Variants in MTUS2 observed in about 807,000 individuals in gnomAD.
MTUS2 encodes the protein microtubule associated scaffold protein 2.
Under a neutral mutation model 114.1 loss-of-function variants are expected in MTUS2, and 40 were observed. That is an observed-to-expected ratio of 0.35 (90% CI 0.27 to 0.46). The LOEUF (loss-of-function observed/expected upper bound fraction) is 0.46, where lower values mean the gene tolerates loss of function less well. Ranked by LOEUF, MTUS2 falls within the 20% of genes least tolerant of loss-of-function variation. MTUS2 has a pLI of 1.00. For missense variants in MTUS2, 1,679 were observed against 1,705.4 expected (o/e 0.98, Z 0.27); for synonymous variants, 688 against 672.0 (o/e 1.02, Z -0.37).
At chr13:28,927,899 T>C (rs183659100) in intron 2 of MTUS2, among the ~76,000 whole-genome samples, 84 of 152,278 alleles carry the variant, frequency 5.5e-4, no homozygotes, top group Non-Finnish European at 8.8e-4. Flanking sequence ...ATCAGCATGG[T>C]ACTGGCATAA....
chr13:29,073,824 C>T (rs1889056940), intron 4 of MTUS2, among the ~76,000 whole-genome samples: 1 of 152,028 alleles, frequency 6.6e-6, no homozygotes, highest in African/African-American at 2.4e-5. Flanking sequence ...GGTGTGCATG[C>T]TCTCAGTGGG....
At chr13:28,912,633 TC>T (rs1261019896) in intron 2 of MTUS2, among the ~76,000 whole-genome samples, 3 of 152,222 alleles carry the variant, frequency 2.0e-5, no homozygotes, top group Non-Finnish European at 4.4e-5. Context: ...TGTTGATTCT[TC>T]CTATCCATGA....
intron 5 of MTUS2, among the ~76,000 whole-genome samples, chr13:29,150,626 A>C (rs1892626376): frequency 6.6e-6 from 1 of 152,158 alleles, no homozygotes; most frequent in Non-Finnish European, 1.5e-5. Flanking sequence ...GCTGGTGTCC[A>C]GAAGGGTATT....
At chr13:29,122,868 C>G in intron 5 of MTUS2, among the ~76,000 whole-genome samples, 1 of 152,192 alleles carries the variant, frequency 6.6e-6, no homozygotes, top group East Asian at 1.9e-4. Flanking sequence ...TAAACTCTGT[C>G]AGAAAAATAG....
intron 7 of MTUS2, among the ~76,000 whole-genome samples, chr13:29,337,109 C>G (rs756742721): frequency 5.3e-5 from 8 of 152,110 alleles, no homozygotes; most frequent in Non-Finnish European, 1.2e-4. Flanking sequence ...TGAGCTAGAC[C>G]ACTTGGCTCC....
At chr13:29,240,314 G>C (rs1394136447) in intron 5 of MTUS2, among the ~76,000 whole-genome samples, 3 of 152,092 alleles carry the variant, frequency 2.0e-5, no homozygotes, top group Admixed American at 2.0e-4. Context: ...GTCCCCATAC[G>C]GGTAGAGTAT....
upstream of MTUS2, chr13:28,820,254 G>T (rs996980166): frequency 6.8e-6 from 1 of 147,314 alleles, no homozygotes; most frequent in Non-Finnish European, 1.5e-5. Context: ...CCCTCGAGCG[G>T]GGGCGGCGGC....
rs117888216 is a variant in MTUS2, at chr13:28,881,533, G to A, written c.-243+41683G>A. Among the ~76,000 whole-genome samples the A allele has an allele frequency of 7.2e-3, 1,093 of 152,212 alleles. 14 individuals carry two copies. Among genetic ancestry groups the A allele is most frequent in the East Asian group, 0.034 (178 of 5,172 alleles). ...GGATCATATGGCAGTTCTATTTTTAGCTCTTTGAGAAATTTCTATACTGTT... is the reference window on the plus strand; with the variant it reads ...GGATCATATGGCAGTTCTATTTTTAACTCTTTGAGAAATTTCTATACTGTT... On this transcript the variant is annotated intron_variant, in intron 2 of 15. Coordinates refer to ENST00000612955, the MANE Select transcript of MTUS2 (RefSeq NM_001033602.4).
At chr13:28,943,896 C>G (rs1347618889) in intron 2 of MTUS2, among the ~76,000 whole-genome samples, 1 of 152,020 alleles carries the variant, frequency 6.6e-6, no homozygotes, top group Non-Finnish European at 1.5e-5. Context: ...TTGCTTACCT[C>G]TTAAGACTTA....
At chr13:29,350,734 C>G (rs1467031941) in intron 7 of MTUS2, among the ~76,000 whole-genome samples, 1 of 151,776 alleles carries the variant, frequency 6.6e-6, no homozygotes, top group Non-Finnish European at 1.5e-5. Context: ...AATCCAAGAT[C>G]AAGGTGCTGG....
chr13:28,951,881 A>G (rs916083318), intron 2 of MTUS2, among the ~76,000 whole-genome samples: 2 of 152,162 alleles, frequency 1.3e-5, no homozygotes, highest in African/African-American at 4.8e-5. Context: ...CTGACTTGGT[A>G]TGATATCTGT....
intron 13 of MTUS2, 81 bp downstream of exon 13, chr13:29,497,417 C>A: frequency 1.6e-6 from 2 of 1,229,960 alleles, no homozygotes; most frequent in Non-Finnish European, 2.3e-6. Context: ...CAGTCTCGTC[C>A]CAAGACAAGG....
chr13:29,360,696 C>CG (rs1041912820), intron 8 of MTUS2, among the ~76,000 whole-genome samples: 23 of 136,256 alleles, frequency 1.7e-4, no homozygotes, highest in Admixed American at 3.6e-4. Flanking sequence ...ACACCCCCCC[C>CG]CCCCCGTAAG....
At chr13:29,247,229 G>A (rs1036830423) in intron 5 of MTUS2, among the ~76,000 whole-genome samples, 15 of 152,190 alleles carry the variant, frequency 9.9e-5, no homozygotes, top group Admixed American at 7.2e-4. Flanking sequence ...AGAATGAAAC[G>A]GGATTCTCAT....
At chr13:28,954,765 T>C in intron 2 of MTUS2, among the ~76,000 whole-genome samples, 1 of 152,044 alleles carries the variant, frequency 6.6e-6, no homozygotes, top group East Asian at 1.9e-4. Context: ...ATGATCAGGT[T>C]AGGAGTGATC....
chr13:28,931,726 C>T (rs182558627), intron 2 of MTUS2, among the ~76,000 whole-genome samples: 373 of 152,166 alleles, frequency 2.5e-3, no homozygotes, highest in Non-Finnish European at 4.3e-3. Context: ...ATGTGCACAA[C>T]GTGCAGGTTT....
intron 6 of MTUS2, among the ~76,000 whole-genome samples, chr13:29,291,298 T>C (rs983079956): frequency 3.9e-5 from 6 of 152,208 alleles, no homozygotes; most frequent in African/African-American, 1.4e-4. Context: ...CCCCAGCCAC[T>C]GGAGAGCCAG....
intron 1 of MTUS2, among the ~76,000 whole-genome samples, chr13:28,823,377 G>A (rs1483415732): frequency 2.0e-5 from 3 of 152,218 alleles, no homozygotes; most frequent in Non-Finnish European, 4.4e-5. Context: ...TGTTTGAAAC[G>A]AGTTGTTGAA....
intron 5 of MTUS2, among the ~76,000 whole-genome samples, chr13:29,241,907 G>A (rs2139398597): frequency 6.6e-6 from 1 of 152,236 alleles, no homozygotes; most frequent in Non-Finnish European, 1.5e-5. Context: ...GAGGTGTGCT[G>A]TAGTTAGGGT....
Sources: gnomAD v4.1 joint callset for allele counts (sites outside exome capture counted in the v4.1 genomes callset) on GRCh38, gnomAD v4.1.1 for gene constraint, MANE v1.5 for transcripts, NCBI Gene and HGNC (gene_info 2026-07-23, HGNC 2026-07-21) for gene names.